GYS2: variants seen among roughly 807,000 people sequenced by gnomAD.
GYS2 encodes the protein glycogen synthase 2, also known as glycogen [starch] synthase, liver.
GYS2 carries 80 observed loss-of-function variants against 85.6 expected under a neutral mutation model. The ratio of observed to expected loss-of-function variants is 0.93; its 90% confidence interval spans 0.78 to 1.13. The LOEUF is 1.13. GYS2 is among the 50% of genes most tolerant of loss of function. GYS2 has a pLI of 0.00. For synonymous variants in GYS2, 328 were observed against 300.7 expected, an observed-to-expected ratio of 1.09 and a Z score of -0.94; for missense variants, 881 against 854.9, an observed-to-expected ratio of 1.03 and a Z score of -0.38.
chr12:21,564,772 A>G (rs1454930850), intron 5 of GYS2, among the ~76,000 whole-genome samples: 1 of 152,108 alleles, frequency 6.6e-6, no homozygotes, highest in African/African-American at 2.4e-5. Flanking sequence ...GCCCTATTAT[A>G]TTTGATATAT....
Position 21,604,770 on chromosome 12 carries a change from G to A in GYS2, c.-178C>T. 2.1e-6 allele frequency: 3 copies of A among 1,407,274 alleles called. No homozygotes were observed. Among genetic ancestry groups the A allele is most frequent in the South Asian group, 2.9e-5 (2 of 69,680 alleles). 87.2% of individuals were successfully genotyped at this position (1,407,274 alleles called of 1,614,324 possible). ...ATGTGCTTCCCACAGAATTCCTGGT[G>A]GAAGGAGGAATTCTTCCTCCTCTTT... is the stretch of plus-strand genomic sequence containing the variant. On this transcript the variant is annotated 5_prime_UTR_variant, in exon 1 of 16. Coordinates refer to ENST00000261195, the MANE Select transcript of GYS2 (RefSeq NM_021957.4).
Position 21,542,534 on chromosome 12 carries a change from C to T in GYS2, c.1607G>A (p.Cys536Tyr). The change falls in exon 13 of 16, where the codon TGT becomes TAT. Residue 536 changes from cysteine to tyrosine, a missense_variant. Coordinates refer to ENST00000261195, the MANE Select transcript of GYS2 (RefSeq NM_021957.4). ...ATCAGCCACGTGCTCCTGCATGAAA[C>T]AGCCAAACCCGGAGAGATTCGTGGT... is the stretch of plus-strand genomic sequence containing the variant. ...SVTTNLSGFG[C>Y]FMQEHVADPT... 1 of 1,613,744 alleles carries T rather than the reference C, an allele frequency of 6.2e-7. No homozygotes were observed. The highest frequency in any genetic ancestry group is 8.5e-7 in the Non-Finnish European group (1 of 1,179,646).
intron 2 of GYS2, among the ~76,000 whole-genome samples, chr12:21,578,184 C>T (rs952485834): frequency 3.3e-5 from 5 of 152,244 alleles, no homozygotes; most frequent in African/African-American, 1.2e-4. Flanking sequence ...TCTTTCTCCC[C>T]TTTAAGACCT....
At chr12:21,570,252 C>G (rs1944370345) in intron 4 of GYS2, among the ~76,000 whole-genome samples, 1 of 152,142 alleles carries the variant, frequency 6.6e-6, no homozygotes, top group Non-Finnish European at 1.5e-5. Flanking sequence ...TCTATGTGGC[C>G]AGCCTAATTA....
At chr12:21,574,607 TAATA>T (rs1944424082) in intron 3 of GYS2, among the ~76,000 whole-genome samples, 1 of 152,110 alleles carries the variant, frequency 6.6e-6, no homozygotes, top group Non-Finnish European at 1.5e-5. Flanking sequence ...TAATGAATAT[TAATA>T]AATAAATGGA....
At chr12:21,556,023 A>G (rs1371719621) in intron 11 of GYS2, among the ~76,000 whole-genome samples, 2 of 152,112 alleles carry the variant, frequency 1.3e-5, no homozygotes, top group Non-Finnish European at 2.9e-5. Context: ...TCCTACAATT[A>G]AGAAAGTTTC....
Position 21,536,802 on chromosome 12 carries a change from G to A in GYS2, c.*152C>T, listed in dbSNP as rs936. On this transcript the variant is annotated 3_prime_UTR_variant, in exon 16 of 16. Coordinates refer to ENST00000261195, the MANE Select transcript of GYS2 (RefSeq NM_021957.4). ...GGATCTTATCCTAAATTACAAAATT[G>A]TCATTCACTCAATTTCTTCCACTTT... is the stretch of plus-strand genomic sequence containing the variant. 363,891 of 645,728 alleles carry A rather than the reference G, an allele frequency of 0.56. 108,213 individuals are homozygous for A. The highest frequency in any genetic ancestry group is 0.78 in the East Asian group (28,442 of 36,660). The allele number at this position is 645,728 out of a possible 1,614,324, so 40.0% of individuals were successfully genotyped here.
At chr12:21,599,198 T>C (rs1438214705) in intron 1 of GYS2, among the ~76,000 whole-genome samples, 1 of 152,040 alleles carries the variant, frequency 6.6e-6, no homozygotes, top group East Asian at 1.9e-4. Flanking sequence ...ATTACAGACT[T>C]TGGAAGTCAT....
intron 11 of GYS2, among the ~76,000 whole-genome samples, chr12:21,555,079 A>C (rs1003262591): frequency 6.6e-6 from 1 of 152,142 alleles, no homozygotes; most frequent in African/African-American, 2.4e-5. Flanking sequence ...AAAAAGACCT[A>C]TAGATTTAGA....
At chr12:21,543,232 T>C (rs1943999820) in intron 12 of GYS2, among the ~76,000 whole-genome samples, 1 of 152,220 alleles carries the variant, frequency 6.6e-6, no homozygotes, top group Non-Finnish European at 1.5e-5. Flanking sequence ...ATAATGGAAT[T>C]ACCCTTGGTT....
intron 4 of GYS2, among the ~76,000 whole-genome samples, chr12:21,570,645 A>G (rs887060758): frequency 1.3e-5 from 2 of 152,258 alleles, no homozygotes; most frequent in East Asian, 3.8e-4. Flanking sequence ...GAACAAGTAT[A>G]GAAAATGCTA....
chr12:21,562,937 C>T lies in GYS2; in HGVS notation c.1043G>A (p.Arg348Lys), dbSNP rs761626254. 3.7e-6 allele frequency: 6 copies of T among 1,611,626 alleles called. No individual in the cohort carries two copies. The highest frequency in any genetic ancestry group is 1.1e-5 in the South Asian group (1 of 91,044). ...GADIFLESLS[R>K]LNFLLRMHKS... is the part of the protein sequence containing the mutation. The stretch of plus-strand genomic sequence containing the variant: ...TCTTACCCTCAGCAGGAAATTTAGC[C>T]TGGATAAGGATTCTAGGAAGATGTC... Residue 348 changes from arginine (R) to lysine (K), a missense_variant, in exon 7 of 16, where the codon AGG becomes AAG. Transcript: ENST00000261195.
At position 21,559,652 on chromosome 12, in the gene GYS2, T is replaced by C. The variant is rs549867208; in HGVS notation, c.1228A>G (p.Arg410Gly). Residue 410 changes from arginine to glycine, a missense_variant and splice_region_variant, in exon 9 of 16, where the codon AGA becomes GGA. Coordinates refer to ENST00000261195, the MANE Select transcript of GYS2 (RefSeq NM_021957.4). ...GTAGAAAGCATTTCAAGCACCTACC[T>C]TAATAATGCATCATAGAGTTTTTTT... is the stretch of plus-strand genomic sequence containing the variant. ...FGKKLYDALL[R>G]GEIPDLNDIL... 1.3e-6 allele frequency: 2 copies of C among 1,529,060 alleles called. No homozygotes were observed. Among genetic ancestry groups the C allele is most frequent in the South Asian group, 1.1e-5 (1 of 89,384 alleles). 94.7% of individuals were successfully genotyped at this position (1,529,060 alleles called of 1,614,324 possible). A position where few individuals can be genotyped will look rare whatever the true frequency, so the allele number is the denominator to read the frequency against.
At chr12:21,584,537 T>C (rs1475661595) in intron 1 of GYS2, among the ~76,000 whole-genome samples, 1 of 152,172 alleles carries the variant, frequency 6.6e-6, no homozygotes, top group African/African-American at 2.4e-5. Flanking sequence ...AAGTTATGCT[T>C]GGGCTCAGCA....
At chr12:21,540,181 T>C (rs982804378) in intron 14 of GYS2, among the ~76,000 whole-genome samples, 3 of 152,176 alleles carry the variant, frequency 2.0e-5, no homozygotes, top group African/African-American at 7.2e-5. Flanking sequence ...GCTAGTAAGA[T>C]CAGTGCTAGA....
In GYS2 at chr12:21,558,233, A is replaced by G. The variant is rs146434233; in HGVS notation, c.1389T>C (p.Ile463=). The G allele has an allele frequency of 1.6e-3, 2,562 of 1,613,596 alleles. 56 individuals are homozygous for G. In the East Asian group the frequency reaches 0.048, roughly 30 times the overall value. The change falls in exon 11 of 16, where the codon ATT becomes ATC. Residue 463 remains isoleucine (I), a synonymous_variant. Transcript: ENST00000261195. ...TDPILSTIRR[I]GLFNNRTDRV... ...TATCTGTGCGGTTGTTGAAAAGTCC[A>G]ATCCGTCTAATGGTGCTGAGGATGG...
intron 5 of GYS2, among the ~76,000 whole-genome samples, 174 bp from the exon 6 acceptor site, chr12:21,563,519 C>A (rs767561017): frequency 6.6e-6 from 1 of 151,998 alleles, no homozygotes; most frequent in Non-Finnish European, 1.5e-5. Context: ...CATAAAAATT[C>A]GCAACAAATT....
intron 7 of GYS2, among the ~76,000 whole-genome samples, chr12:21,561,015 A>G (rs1944246618): frequency 6.6e-6 from 1 of 152,118 alleles, no homozygotes; most frequent in Admixed American, 6.6e-5. Context: ...TTTTCCGCTA[A>G]ATGTCTTGAT....
At chr12:21,590,446 A>C (rs941778517) in intron 1 of GYS2, among the ~76,000 whole-genome samples, 2 of 152,074 alleles carry the variant, frequency 1.3e-5, no homozygotes, top group Non-Finnish European at 2.9e-5. Flanking sequence ...CTGCCATCAC[A>C]ACTGGCACCT....
Sources: gnomAD v4.1 joint callset for allele counts (sites outside exome capture counted in the v4.1 genomes callset) on GRCh38, gnomAD v4.1.1 for gene constraint, MANE v1.5 for transcripts, NCBI Gene and HGNC (gene_info 2026-07-23, HGNC 2026-07-21) for gene names.